The following SOS2 variants were observed in gnomAD, a reference collection of about 807,000 sequenced individuals.
The protein encoded by SOS2 is SOS Ras/Rho guanine nucleotide exchange factor 2.
SOS2 carries 65 observed loss-of-function variants against 148.2 expected under a neutral mutation model. That is an observed-to-expected ratio of 0.44 (90% CI 0.36 to 0.54). SOS2 has a LOEUF of 0.54. SOS2 is among the 20% of genes least tolerant of loss of function. SOS2 has a pLI of 0.00. For missense variants in SOS2, 1,341 were observed against 1,590.2 expected (o/e 0.84, Z 2.67); for synonymous variants, 539 against 537.1 (o/e 1.00, Z -0.05).
At chr14:50,156,281 C>T (rs969220840) in intron 12 of SOS2, 4 of 151,870 alleles carry the variant, frequency 2.6e-5, no homozygotes, top group South Asian at 2.1e-4. Context: ...CACACACACA[C>T]GCAAAGAAAG....
chr14:50,189,349 G>C lies in SOS2; in HGVS notation c.511-649C>G, dbSNP rs367712921. 7.6e-4 allele frequency among the ~76,000 whole-genome samples: 9 copies of C among 11,832 alleles called. No homozygotes were observed. In the East Asian group the frequency reaches 9.2e-3, roughly 12 times the overall value. The allele number at this position is 11,832 out of a possible 152,430, so 7.8% of individuals were successfully genotyped here. On this transcript the variant is annotated intron_variant, in intron 4 of 22. Coordinates refer to ENST00000216373, the MANE Select transcript of SOS2 (RefSeq NM_006939.4). Reference sequence around the variant, plus strand: ...ATAATAGCAAAAAAAAAAAAAAAAAGCAAGCCTGTCTTTGGGGAACAATAA... The same window carrying C: ...ATAATAGCAAAAAAAAAAAAAAAAACCAAGCCTGTCTTTGGGGAACAATAA...
intron 8 of SOS2, among the ~76,000 whole-genome samples, chr14:50,164,732 GTCTCTGACC>G (rs1475574500): frequency 6.6e-6 from 1 of 152,118 alleles, no homozygotes; most frequent in Admixed American, 6.6e-5. Flanking sequence ...CTACACAACA[GTCTCTGACC>G]TCCTTATCCA....
At chr14:50,122,391 C>CTTTTTTTTTTTTTCTTT (rs1883542576) in intron 21 of SOS2, among the ~76,000 whole-genome samples, 1 of 88,308 alleles carries the variant, frequency 1.1e-5, no homozygotes, top group African/African-American at 4.8e-5. Flanking sequence ...GAACCCTGGG[C>CTTTTTTTTTTTTTCTTT]TTTTTTTTTT....
intron 1 of SOS2, among the ~76,000 whole-genome samples, chr14:50,229,572 G>A (rs1595043476): frequency 6.6e-6 from 1 of 151,782 alleles, no homozygotes; most frequent in Non-Finnish European, 1.5e-5. Context: ...AGTTTGGAAG[G>A]CAGAGGTGGG....
At chr14:50,218,139 CAAA>C (rs951095318) in intron 1 of SOS2, among the ~76,000 whole-genome samples, 1 of 52,180 alleles carries the variant, frequency 1.9e-5, no homozygotes, top group African/African-American at 6.6e-5. Context: ...CTCTTAAAAA[CAAA>C]AAAAAAAAAA....
At chr14:50,181,570 T>C (rs990641408) in intron 6 of SOS2, among the ~76,000 whole-genome samples, 4 of 151,980 alleles carry the variant, frequency 2.6e-5, no homozygotes, top group African/African-American at 9.7e-5. Flanking sequence ...AGTTAAAATA[T>C]GTTATGGTGT....
Position 50,182,547 on chromosome 14 carries a change from TA to T in SOS2, c.773del (p.Leu258Ter). On this transcript the variant is annotated frameshift_variant, in exon 6 of 23. Transcript: ENST00000216373. LOFTEE classifies it high-confidence loss of function. Reference sequence around the variant, plus strand: ...TTTCAACTGTGTCTTCAATCAAACCTAAAAGTTTCACAGTCAATTCATGTAT... The same window carrying T: ...TTTCAACTGTGTCTTCAATCAAACCTAAAGTTTCACAGTCAATTCATGTAT... ...SDIHELTVKL[L>X]GLIEDTVEMT... 1 of 1,609,970 alleles carries T rather than the reference TA, an allele frequency of 6.2e-7. No individual in the cohort carries two copies. Among genetic ancestry groups the T allele is most frequent in the Non-Finnish European group, 8.5e-7 (1 of 1,176,240 alleles).
intron 8 of SOS2, among the ~76,000 whole-genome samples, chr14:50,170,117 G>C (rs1411536347): frequency 7.1e-6 from 1 of 139,906 alleles, no homozygotes; most frequent in African/African-American, 2.7e-5. Context: ...TTTTTTTGTA[G>C]AGACAAGGTC....
intron 4 of SOS2, among the ~76,000 whole-genome samples, chr14:50,197,053 A>C (rs1283446871): frequency 1.3e-5 from 2 of 151,990 alleles, no homozygotes; most frequent in Non-Finnish European, 2.9e-5. Flanking sequence ...TTGTAGAGAC[A>C]TGTTGCCCAG....
At chr14:50,230,984 A>G (rs570977412) in intron 1 of SOS2, 9 of 871,594 alleles carry the variant, frequency 1.0e-5, no homozygotes, top group African/African-American at 3.5e-5. Context: ...TTTTATGATC[A>G]TAACAAAACC....
At chr14:50,198,834 C>T (rs959546506) in intron 4 of SOS2, among the ~76,000 whole-genome samples, 2 of 152,078 alleles carry the variant, frequency 1.3e-5, no homozygotes, top group African/African-American at 4.8e-5. Context: ...AAAATAAATA[C>T]CTTCTAACAC....
intron 4 of SOS2, among the ~76,000 whole-genome samples, chr14:50,189,331 C>CAATAAAAAAAAAAA (rs1555321141): frequency 2.5e-4 from 8 of 31,472 alleles, no homozygotes; most frequent in Non-Finnish European, 5.3e-4. Flanking sequence ...CACATAATAG[C>CAATAAAAAAAAAAA]AAAAAAAAAA....
At chr14:50,180,951 C>T (rs147741102) in intron 6 of SOS2, among the ~76,000 whole-genome samples, 2 of 150,786 alleles carry the variant, frequency 1.3e-5, no homozygotes, top group African/African-American at 4.9e-5. Flanking sequence ...GATATGAAAA[C>T]AAAACAAATT....
At chr14:50,209,112 C>G (rs1039958573) in intron 1 of SOS2, among the ~76,000 whole-genome samples, 17 of 152,320 alleles carry the variant, frequency 1.1e-4, no homozygotes, top group African/African-American at 3.9e-4. Context: ...TGCCTTCAGA[C>G]TGATACTCAG....
At chr14:50,167,867 CAAAAAAAAAAAAGAA>C (rs1027439037) in intron 8 of SOS2, among the ~76,000 whole-genome samples, 2 of 116,030 alleles carry the variant, frequency 1.7e-5, no homozygotes, top group Admixed American at 1.8e-4. Flanking sequence ...GACTCTGTCT[CAAAAAAAAAAAAGAA>C]AAAAAAAGTG....
chr14:50,146,708 T>C (rs183157695), intron 14 of SOS2, among the ~76,000 whole-genome samples: 12 of 152,212 alleles, frequency 7.9e-5, no homozygotes, highest in African/African-American at 2.4e-4. Flanking sequence ...CAGTGAAGCA[T>C]TATTTGCAAG....
intron 16 of SOS2, among the ~76,000 whole-genome samples, chr14:50,144,179 T>C (rs1030703857): frequency 3.3e-5 from 5 of 152,100 alleles, no homozygotes; most frequent in East Asian, 1.9e-4. Flanking sequence ...AATAACTTAA[T>C]TGTCCCACAA....
chr14:50,215,073 T>C (rs756967663), intron 1 of SOS2, among the ~76,000 whole-genome samples: 3 of 151,756 alleles, frequency 2.0e-5, no homozygotes, highest in Non-Finnish European at 4.4e-5. Context: ...CCTGACCTCG[T>C]GATCTGCCCG....
chr14:50,180,815 C>A, intron 6 of SOS2, 133 bp from the exon 7 acceptor site: 2 of 512,336 alleles, frequency 3.9e-6, no homozygotes, highest in African/African-American at 2.0e-5. Flanking sequence ...TATATTCCAG[C>A]TCGAGCAACA....
Sources: allele counts gnomAD v4.1 joint callset (sites outside exome capture counted in the v4.1 genomes callset), GRCh38; gene constraint gnomAD v4.1.1; transcripts MANE v1.5; gene names NCBI Gene and HGNC (gene_info 2026-07-23, HGNC 2026-07-21).